The following DGAT2L6 variants were observed in gnomAD, a reference collection of about 807,000 sequenced individuals.
DGAT2L6 encodes diacylglycerol O-acyltransferase 2-like protein 6.
In DGAT2L6, 22 loss-of-function variants were observed where a neutral mutation model predicts 25.5. The ratio of observed to expected loss-of-function variants is 0.86; its 90% CI spans 0.62 to 1.23. DGAT2L6 has a LOEUF of 1.23. Among genes scored for constraint, DGAT2L6 ranks in the 50% most tolerant of loss-of-function variants. DGAT2L6 has a pLI of 0.00. For synonymous variants in DGAT2L6, 100 were observed against 94.7 expected (o/e 1.06, Z -0.32); for missense variants, 287 against 253.2 (o/e 1.13, Z -0.91).
chrX:70,201,146 G>C (rs1152183), intron 4 of DGAT2L6, among the ~76,000 whole-genome samples: 35,751 of 110,576 alleles, frequency 0.32, 4,918 homozygotes, highest in African/African-American at 0.53. Context: ...ATACATTTCT[G>C]TGGAGGGGCC....
In DGAT2L6 at chrX:70,182,467, A is replaced by ATTTT. The variant is rs1569427581; in HGVS notation, c.85+4801_85+4802insTTTT. Among the ~76,000 whole-genome samples, 16 of 63,437 alleles carry ATTTT rather than the reference A, an allele frequency of 2.5e-4. 1 individual carries two copies. The highest frequency in any genetic ancestry group is 1.0e-3 in the African/African-American group (12 of 11,727). 55.1% of individuals were successfully genotyped at this position (63,437 alleles called of 115,157 possible). On this transcript the variant is annotated intron_variant, in intron 1 of 6. Transcript: ENST00000333026. ...TTACTTCTGGAGGTCTTTCAAAAGC[A>ATTTT]TCTTTTTTTTTTTTTTTTTTTTTTT...
rs1306964747 is a variant in DGAT2L6 at position 70,200,273 on chromosome X, C to A, written c.286C>A (p.Leu96Ile). The A allele has an allele frequency of 8.3e-7, 1 of 1,211,315 alleles. No homozygotes were observed. Among genetic ancestry groups the A allele is most frequent in the Admixed American group, 2.2e-5 (1 of 46,049 alleles). The change falls in exon 4 of 7, where the codon CTT becomes ATT. Residue 96 changes from leucine (L) to isoleucine (I), a missense_variant. Leu to Ile is a conservative substitution (Grantham distance 5). Transcript: ENST00000333026. ...CTAACAGCTGGTGAAGACTCATGAT[C>A]TTTCTCCCAAACACAACTACATCAT... ...FPVKLVKTHD[L>I]SPKHNYIIAN...
rs1224572004 is a variant in DGAT2L6 at position 70,177,519 on chromosome X, C to T, written c.-64C>T. On this transcript the variant is annotated 5_prime_UTR_variant, in exon 1 of 7. Transcript: ENST00000333026. ...ATTATAGCAAAGCATCTATAATCAA[C>T]TCAGCTTAAGAAGTTTTGACCTTCT... 2 of 1,021,515 alleles carry T rather than the reference C, an allele frequency of 2.0e-6. No homozygotes were observed. Among genetic ancestry groups the T allele is most frequent in the African/African-American group, 3.8e-5 (2 of 53,099 alleles). The allele number at this position is 1,021,515 out of a possible 1,213,427, so 84.2% of individuals were successfully genotyped here.
intron 1 of DGAT2L6, among the ~76,000 whole-genome samples, chrX:70,187,976 C>T (rs1335105999): frequency 2.7e-5 from 3 of 111,796 alleles, no homozygotes; most frequent in Non-Finnish European, 5.6e-5. Context: ...ACCTCAGGTC[C>T]TCATCCACAA....
chrX:70,179,812 C>T (rs1311597874), intron 1 of DGAT2L6, among the ~76,000 whole-genome samples: 2 of 110,188 alleles, frequency 1.8e-5, no homozygotes, highest in Non-Finnish European at 3.8e-5. Context: ...AGGTGATCCG[C>T]CGACCTAGGC....
chrX:70,190,515 C>T (rs1428180799), intron 1 of DGAT2L6, among the ~76,000 whole-genome samples: 1 of 111,791 alleles, frequency 8.9e-6, no homozygotes, highest in African/African-American at 3.3e-5. Context: ...ATAGCCTCAT[C>T]CCCCTGTAAA....
chrX:70,197,090 C>T (rs193068949), intron 1 of DGAT2L6, among the ~76,000 whole-genome samples: 2 of 111,200 alleles, frequency 1.8e-5, no homozygotes, highest in Admixed American at 1.9e-4. Flanking sequence ...CTTTGATAAC[C>T]CTCTCCAAGA....
intron 1 of DGAT2L6, 141 bp from the exon 2 acceptor site, chrX:70,199,130 T>G: frequency 2.4e-6 from 1 of 408,593 alleles, no homozygotes; most frequent in Non-Finnish European, 4.2e-6. Flanking sequence ...GGGCGAGGGG[T>G]TGGGGAAGAG....
At position 70,204,517 on chromosome X, in the gene DGAT2L6, G is replaced by A. The variant is rs1461504584; in HGVS notation, c.859+1G>A. 1 of 1,209,224 alleles carries A rather than the reference G, an allele frequency of 8.3e-7. No homozygotes were observed. Among genetic ancestry groups the A allele is most frequent in the Non-Finnish European group, 1.1e-6 (1 of 894,567 alleles). On this transcript the variant is annotated splice_donor_variant, in intron 6 of 6. Coordinates refer to ENST00000333026, the MANE Select transcript of DGAT2L6 (RefSeq NM_198512.3). LOFTEE classifies it high-confidence loss of function. Reference sequence around the variant, plus strand: ...TTCAATCGGCCCATTACCACTGTTGGTGAGCTTTCCCTTATCTCCGGATGA... The same window carrying A: ...TTCAATCGGCCCATTACCACTGTTGATGAGCTTTCCCTTATCTCCGGATGA...
intron 4 of DGAT2L6, among the ~76,000 whole-genome samples, chrX:70,201,518 A>G (rs1175711633): frequency 1.8e-5 from 2 of 111,110 alleles, no homozygotes; most frequent in Admixed American, 9.6e-5. Flanking sequence ...GGAGGAGAGA[A>G]CTCTGGAGGA....
intron 1 of DGAT2L6, among the ~76,000 whole-genome samples, chrX:70,194,585 C>A (rs1427767792): frequency 9.0e-6 from 1 of 111,442 alleles, no homozygotes; most frequent in Non-Finnish European, 1.9e-5. Flanking sequence ...CAGAAATAAT[C>A]CCATGCATTT....
intron 1 of DGAT2L6, among the ~76,000 whole-genome samples, chrX:70,196,454 G>A (rs1357947373): frequency 1.1e-5 from 1 of 89,733 alleles, no homozygotes; most frequent in Non-Finnish European, 2.2e-5. Context: ...GCCATGGAAC[G>A]CCAGTCTGGG....
chrX:70,189,692 G>T (rs917024575), intron 1 of DGAT2L6, among the ~76,000 whole-genome samples: 36 of 111,800 alleles, frequency 3.2e-4, no homozygotes, highest in African/African-American at 1.1e-3. Flanking sequence ...CGTTTTTCTT[G>T]CAAAATACAC....
intron 1 of DGAT2L6, among the ~76,000 whole-genome samples, chrX:70,186,654 T>C (rs1019418654): frequency 1.8e-5 from 2 of 112,047 alleles, no homozygotes; most frequent in Admixed American, 1.9e-4. Context: ...TCCTTCAAAT[T>C]AAGTCATCTC....
chrX:70,202,659 C>T (rs754214294), intron 5 of DGAT2L6, among the ~76,000 whole-genome samples: 1 of 111,607 alleles, frequency 9.0e-6, no homozygotes, highest in Non-Finnish European at 1.9e-5. Flanking sequence ...ACTACCTAGG[C>T]TACCACCCCT....
chrX:70,191,601 A>G (rs759014561), intron 1 of DGAT2L6, among the ~76,000 whole-genome samples: 1 of 112,089 alleles, frequency 8.9e-6, no homozygotes, highest in Non-Finnish European at 1.9e-5. Context: ...AAAGAAACAG[A>G]AAGATTATTT....
rs969878816 is a variant in DGAT2L6, at chrX:70,199,338, C to T, written c.153C>T (p.Leu51=). 5 of 1,195,009 alleles carry T rather than the reference C, an allele frequency of 4.2e-6. No individual in the cohort carries two copies. The highest frequency in any genetic ancestry group is 3.0e-5 in the East Asian group (1 of 33,456). ...GTAAGTTCTGGCCCTTGGCTGTGCT[C>T]TCCTTAGCCTGGCTCACCTATGATT... ...LFSKFWPLAV[L]SLAWLTYDWN... The change falls in exon 2 of 7, where the codon CTC becomes CTT. Residue 51 remains leucine (L), a synonymous_variant. Transcript: ENST00000333026.
intron 1 of DGAT2L6, among the ~76,000 whole-genome samples, chrX:70,178,856 A>G (rs1215249608): frequency 8.9e-6 from 1 of 112,558 alleles, no homozygotes; most frequent in Non-Finnish European, 1.9e-5. Flanking sequence ...TGTCAGTAAC[A>G]GACATCACAG....
At chrX:70,200,506 G>A in intron 4 of DGAT2L6, 47 bp downstream of exon 4, 2 of 1,102,798 alleles carry the variant, frequency 1.8e-6, no homozygotes, top group Non-Finnish European at 1.2e-6. Flanking sequence ...TACTTCAAAG[G>A]TGCAACCCCA....
Sources: gnomAD v4.1 joint callset for allele counts (sites outside exome capture counted in the v4.1 genomes callset) on GRCh38, gnomAD v4.1.1 for gene constraint, MANE v1.5 for transcripts, NCBI Gene and HGNC (gene_info 2026-07-23, HGNC 2026-07-21) for gene names.